Variants in MORC4 observed in about 807,000 individuals in gnomAD.
The protein encoded by MORC4 is MORC family CW-type zinc finger protein 4.
Under a neutral mutation model 65.5 loss-of-function variants are expected in MORC4, and 22 were observed. The ratio of observed to expected loss-of-function variants is 0.34; its 90% CI spans 0.24 to 0.48. The LOEUF is 0.48. MORC4 is among the 20% of genes least tolerant of loss of function. The pLI is 0.99. For missense variants in MORC4, 624 were observed against 703.0 expected, an observed-to-expected ratio of 0.89 and a Z score of 1.27; for synonymous variants, 267 against 255.8, an observed-to-expected ratio of 1.04 and a Z score of -0.42.
At chrX:106,957,099 C>G in intron 11 of MORC4, 95 bp from the exon 12 acceptor site, 1 of 486,359 alleles carries the variant, frequency 2.1e-6, no homozygotes, top group Non-Finnish European at 3.5e-6. Context: ...TAACAACTCT[C>G]TAACATTACA....
chrX:106,999,514 G>C (rs1602514931), intron 2 of MORC4, among the ~76,000 whole-genome samples, 163 bp downstream of exon 2: 2 of 111,979 alleles, frequency 1.8e-5, no homozygotes, highest in African/African-American at 6.5e-5. Flanking sequence ...CCTGGCGAGA[G>C]AGCCATCCCC....
At chrX:106,945,511 C>A (rs1392058828) in intron 14 of MORC4, among the ~76,000 whole-genome samples, 1 of 105,553 alleles carries the variant, frequency 9.5e-6, no homozygotes, top group Non-Finnish European at 1.9e-5. Flanking sequence ...CAGAAGGGAG[C>A]TTAATTAACC....
chrX:106,966,994 T>G (rs987379332), intron 9 of MORC4, among the ~76,000 whole-genome samples: 3 of 112,074 alleles, frequency 2.7e-5, no homozygotes, highest in African/African-American at 9.7e-5. Flanking sequence ...ACGGACAGAC[T>G]GCCTCCTCAA....
At chrX:106,945,493 T>C (rs1294114497) in intron 14 of MORC4, among the ~76,000 whole-genome samples, 2 of 105,957 alleles carry the variant, frequency 1.9e-5, no homozygotes, top group East Asian at 6.0e-4. Flanking sequence ...AAAGTATAAG[T>C]TCCTACACAG....
intron 9 of MORC4, among the ~76,000 whole-genome samples, chrX:106,965,898 G>T (rs1934361738): frequency 8.9e-6 from 1 of 112,121 alleles, no homozygotes; most frequent in South Asian, 3.7e-4. Context: ...TGGAAAACTT[G>T]AGAGAAGATG....
intron 7 of MORC4, among the ~76,000 whole-genome samples, chrX:106,978,620 G>GCACACA (rs376470714): frequency 9.8e-6 from 1 of 101,994 alleles, no homozygotes; most frequent in Non-Finnish European, 2.0e-5. Flanking sequence ...ACACACACAC[G>GCACACA]CACACACACA....
At chrX:106,954,124 C>T (rs1370376424) in intron 14 of MORC4, among the ~76,000 whole-genome samples, 1 of 112,576 alleles carries the variant, frequency 8.9e-6, no homozygotes, top group Non-Finnish European at 1.9e-5. Context: ...ACATAATAGT[C>T]AGATTACTGA....
At position 106,941,587 on chromosome X, in the gene MORC4, G is replaced by A; in HGVS notation, c.2706C>T (p.Leu902=). Residue 902 remains leucine (L), a synonymous_variant, in exon 17 of 17, where the codon CTC becomes CTT. Transcript: ENST00000355610. ...LTRLRIHVSY[L]LTSVLPHLEL... is the part of the protein sequence containing the mutation. ...CCAAGTGAGGGAGGACAGAAGTAAG[G>A]AGATAGCTGACGTGGATACGTAGCC... The A allele has an allele frequency of 8.3e-7, 1 of 1,210,753 alleles. No individual in the cohort carries two copies. The highest frequency in any genetic ancestry group is 1.1e-6 in the Non-Finnish European group (1 of 894,752).
chrX:106,951,592 A>T (rs1286980819), intron 14 of MORC4, among the ~76,000 whole-genome samples: 4 of 110,451 alleles, frequency 3.6e-5, no homozygotes, highest in African/African-American at 1.3e-4. Context: ...CTAGTCTCGA[A>T]CTCCTGGGCT....
intron 3 of MORC4, among the ~76,000 whole-genome samples, chrX:106,987,278 C>T (rs1173596836): frequency 1.8e-5 from 2 of 111,523 alleles, no homozygotes; most frequent in Admixed American, 1.9e-4. Flanking sequence ...AACACCCTCA[C>T]TTGATCATTA....
intron 9 of MORC4, 34 bp from the exon 10 acceptor site, chrX:106,962,144 A>G (rs1934263022): frequency 1.9e-6 from 2 of 1,028,485 alleles, no homozygotes; most frequent in East Asian, 6.1e-5. Flanking sequence ...GTCAAAGTTT[A>G]GCACTTGTTG....
intron 14 of MORC4, among the ~76,000 whole-genome samples, chrX:106,945,630 T>C (rs1933809423): frequency 9.0e-6 from 1 of 111,264 alleles, no homozygotes; most frequent in Non-Finnish European, 1.9e-5. Flanking sequence ...GGTTCTATAC[T>C]TCTCCAGAAA....
intron 14 of MORC4, 98 bp from the exon 15 acceptor site, chrX:106,943,303 G>T: frequency 3.1e-6 from 2 of 636,843 alleles, no homozygotes; most frequent in South Asian, 2.9e-5. Context: ...TATTCAGACT[G>T]ACTCTAGATG....
In MORC4 at chrX:106,942,833, G is replaced by A. The variant is rs773565940; in HGVS notation, c.2058C>T (p.Val686=). 8.3e-7 allele frequency: 1 copy of A among 1,209,937 alleles called. No homozygotes were observed. The highest frequency in any genetic ancestry group is 2.2e-5 in the Admixed American group (1 of 45,713). ...RGSTTINKEE[V]NKGPFVAVVG... ...CAACAGCTACAAAAGGTCCCTTGTT[G>A]ACTTCTTCTTTGTTTATGGTTGTGC... Residue 686 remains valine, a synonymous_variant, in exon 15 of 17, where the codon GTC becomes GTT. Transcript: ENST00000355610.
At position 106,980,965 on chromosome X, in the gene MORC4, T is replaced by C; in HGVS notation, c.862A>G (p.Lys288Glu). 8.3e-7 allele frequency: 1 copy of C among 1,209,490 alleles called. No individual in the cohort carries two copies. The highest frequency in any genetic ancestry group is 1.1e-6 in the Non-Finnish European group (1 of 893,626). ...KPRMKIFLRQ[K>E]KVTTQMIAKS... ...GCAATCATCTGGGTAGTCACCTTCT[T>C]TTGACGCAGAAAAATTTTCATGCGT... The change falls in exon 7 of 17, where the codon AAG becomes GAG. Residue 288 changes from lysine to glutamate, a missense_variant. Transcript: ENST00000355610.
intron 5 of MORC4, among the ~76,000 whole-genome samples, chrX:106,981,778 A>G (rs1036559310): frequency 2.7e-5 from 3 of 111,928 alleles, no homozygotes; most frequent in Non-Finnish European, 5.6e-5. Flanking sequence ...GCTATCCTCA[A>G]AGTGGGATCT....
chrX:106,999,530 C>A, intron 2 of MORC4, 147 bp downstream of exon 2: 1 of 428,472 alleles, frequency 2.3e-6, no homozygotes, highest in Middle Eastern at 7.1e-4. Flanking sequence ...TCCCCCTCCT[C>A]CGCCTGCGGA....
At chrX:106,955,494 C>T (rs1029945587) in intron 13 of MORC4, among the ~76,000 whole-genome samples, 1 of 97,429 alleles carries the variant, frequency 1.0e-5, no homozygotes, top group Non-Finnish European at 2.0e-5. Flanking sequence ...GAAATACATG[C>T]GACAGACTAA....
chrX:106,943,897 G>A (rs1057208479), intron 14 of MORC4, among the ~76,000 whole-genome samples: 1 of 112,750 alleles, frequency 8.9e-6, no homozygotes, highest in African/African-American at 3.2e-5. Flanking sequence ...GAAAGCCCAT[G>A]ATGATGACCT....
Sources: gnomAD v4.1 joint callset for allele counts (sites outside exome capture counted in the v4.1 genomes callset) on GRCh38, gnomAD v4.1.1 for gene constraint, MANE v1.5 for transcripts, NCBI Gene and HGNC (gene_info 2026-07-23, HGNC 2026-07-21) for gene names.